The following TCEAL4 variants were observed in gnomAD, a reference collection of about 807,000 sequenced individuals.
TCEAL4 encodes transcription elongation factor A like 4.
TCEAL4 carries 1 observed loss-of-function variant against 1.3 expected under a neutral mutation model. That is an observed-to-expected ratio of 0.79 (90% confidence interval 0.28 to 3.76). The LOEUF (loss-of-function observed/expected upper bound fraction) is 3.76. Ranked by LOEUF, TCEAL4 falls within the 30% of genes most tolerant of loss-of-function variation. TCEAL4 has a pLI of 0.18. For missense variants in TCEAL4, 129 were observed against 154.7 expected, an observed-to-expected ratio of 0.83 and a Z score of 0.88; for synonymous variants, 54 against 50.7, an observed-to-expected ratio of 1.06 and a Z score of -0.28.
At chrX:103,585,688 G>T (rs564312706) in intron 1 of TCEAL4, 64 bp downstream of exon 1, 1 of 1,165,234 alleles carries the variant, frequency 8.6e-7, no homozygotes, top group Non-Finnish European at 1.1e-6. Context: ...GAACGGGTAC[G>T]GCAGGGGGAA....
At chrX:103,578,061 T>C (rs1193311137) in intron 2 of TCEAL4, among the ~76,000 whole-genome samples, 2 of 112,098 alleles carry the variant, frequency 1.8e-5, no homozygotes, top group African/African-American at 3.2e-5. Context: ...GATATACCAA[T>C]TCTAAATGTT....
rs1166642560 is a variant in TCEAL4, at chrX:103,587,594, AG to A, written c.*272del. The A allele has an allele frequency of 2.3e-5, 6 of 264,603 alleles. No individual in the cohort carries two copies. The highest frequency in any genetic ancestry group is 4.2e-5 in the Non-Finnish European group (6 of 144,508). The allele number at this position is 264,603 out of a possible 1,213,427, so 21.8% of individuals were successfully genotyped here. A position where few individuals can be genotyped will look rare whatever the true frequency, so the allele number is the denominator to read the frequency against. The stretch of plus-strand genomic sequence containing the variant: ...ATATAGTATAGAAAACAATTCTGAA[AG>A]CTGTGTCCACTAAAAGATTAACAGT... On this transcript the variant is annotated 3_prime_UTR_variant, in exon 3 of 3. Transcript: ENST00000472484.
upstream of TCEAL4, among the ~76,000 whole-genome samples, chrX:103,580,554 T>A (rs1204632421): frequency 1.8e-5 from 2 of 110,998 alleles, no homozygotes; most frequent in African/African-American, 6.6e-5. Context: ...CCGAGAGCAA[T>A]CAATCAATTC....
intron 2 of TCEAL4, 101 bp downstream of exon 2, chrX:103,586,392 C>A: frequency 1.0e-6 from 1 of 981,923 alleles, no homozygotes; most frequent in Non-Finnish European, 1.4e-6. Context: ...TTCCCCCACC[C>A]ACATGAACAC....
chrX:103,578,500 AC>A (rs2073493932), intron 2 of TCEAL4, among the ~76,000 whole-genome samples: 1 of 111,474 alleles, frequency 9.0e-6, no homozygotes, highest in Admixed American at 9.5e-5. Context: ...TTTTGCAAAC[AC>A]CTGTCATTAT....
upstream of TCEAL4, among the ~76,000 whole-genome samples, chrX:103,584,733 G>C (rs1163257002): frequency 1.8e-5 from 2 of 112,381 alleles, no homozygotes; most frequent in Non-Finnish European, 3.8e-5. Flanking sequence ...ACAGGCAGGG[G>C]AGTGGGAAAG....
intron 1 of TCEAL4, 108 bp downstream of exon 1, chrX:103,585,732 A>C: frequency 8.6e-7 from 1 of 1,158,962 alleles, no homozygotes. Flanking sequence ...AGTCGAGGGA[A>C]GCTGGCCCGA....
At chrX:103,582,515 G>A (rs757987927), upstream of TCEAL4, among the ~76,000 whole-genome samples, 2 of 111,870 alleles carry the variant, frequency 1.8e-5, no homozygotes, top group South Asian at 3.8e-4. Flanking sequence ...TATACTACAA[G>A]GCTACAGTAA....
Position 103,586,235 on chromosome X carries a change from T to A in TCEAL4, c.-84T>A, listed in dbSNP as rs1389333558. The A allele has an allele frequency of 1.4e-5, 16 of 1,166,271 alleles. No individual in the cohort carries two copies. Among genetic ancestry groups the A allele is most frequent in the Non-Finnish European group, 1.7e-5 (15 of 872,894 alleles). ...TGTCTGCAGGTCTGCGCGTCTGTTG[T>A]TCCCAGCGCTCTGCGAAGCCTGAAA... On this transcript the variant is annotated 5_prime_UTR_variant, in exon 2 of 3. Transcript: ENST00000472484.
intron 1 of TCEAL4, among the ~76,000 whole-genome samples, chrX:103,576,771 A>C (rs1192431554): frequency 1.8e-5 from 2 of 112,007 alleles, no homozygotes; most frequent in African/African-American, 6.5e-5. Flanking sequence ...CAATCAATCA[A>C]TCAGTCAATA....
chrX:103,586,742 C>G lies in TCEAL4; in HGVS notation c.67C>G (p.Gln23Glu). 8.3e-7 allele frequency: 1 copy of G among 1,211,644 alleles called. No homozygotes were observed. Among genetic ancestry groups the G allele is most frequent in the Non-Finnish European group, 1.1e-6 (1 of 895,422 alleles). The change falls in exon 3 of 3, where the codon CAG becomes GAG. Residue 23 changes from glutamine to glutamate, a missense_variant. Physicochemically the swap from Gln to Glu is conservative, Grantham distance 29 (BLOSUM62 2). This residue lies in a region of TCEAL4 where 116 missense variants were observed against 120.3 expected (regional missense o/e 0.96). Transcript: ENST00000472484. ...CCAAGGAAAGATGGAAAATGAAGAA[C>G]AGCCACAAGACGAGAGAAAGCCAGA... Reference protein sequence around the residue: ...SNQGKMENEEQPQDERKPEVT... With the variant: ...SNQGKMENEEEPQDERKPEVT...
Position 103,586,293 on chromosome X carries a change from T to A in TCEAL4, c.-28+2T>A. The A allele has an allele frequency of 8.6e-7, 1 of 1,166,280 alleles. No homozygotes were observed. Among genetic ancestry groups the A allele is most frequent in the South Asian group, 1.9e-5 (1 of 52,729 alleles). On this transcript the variant is annotated splice_donor_variant, in intron 2 of 2. Coordinates refer to ENST00000472484, the MANE Select transcript of TCEAL4 (RefSeq NM_001006935.3). LOFTEE classifies it low-confidence loss of function (5UTR_SPLICE). The stretch of plus-strand genomic sequence containing the variant: ...GCAACCTGTCCAGAATCCCCGCAGG[T>A]CCGTGAAAGTACGGGGCTGCATGGA...
At chrX:103,583,713 G>T (rs1420450030), upstream of TCEAL4, among the ~76,000 whole-genome samples, 2 of 111,496 alleles carry the variant, frequency 1.8e-5, no homozygotes, top group Non-Finnish European at 3.8e-5. Context: ...TGGGGGCAGG[G>T]AGGGAGAGCA....
At position 103,586,823 on chromosome X, in the gene TCEAL4, A is replaced by C; in HGVS notation, c.148A>C (p.Lys50Gln). 3.3e-6 allele frequency: 4 copies of C among 1,207,847 alleles called. No individual in the cohort carries two copies. The highest frequency in any genetic ancestry group is 4.5e-6 in the Non-Finnish European group (4 of 893,306). Residue 50 changes from lysine to glutamine, a missense_variant, in exon 3 of 3, where the codon AAG (lysine) becomes CAG (glutamine). Lys to Gln is a moderately conservative substitution (Grantham distance 53). Around this residue, in one of 2 missense-constraint regions of TCEAL4, gnomAD observed 116 missense variants for 120.3 expected, o/e 0.96. Coordinates refer to ENST00000472484, the MANE Select transcript of TCEAL4 (RefSeq NM_001006935.3). ...AGAAAACGAGGGAAAGACAGAAAAC[A>C]AGGGCAAAACAGGAGATGAGGAAAT... is the stretch of plus-strand genomic sequence containing the variant. Reference protein sequence around the residue: ...KLENEGKTENKGKTGDEEMLK... With the variant: ...KLENEGKTENQGKTGDEEMLK...
chrX:103,581,563 C>A (rs1329080292), upstream of TCEAL4, among the ~76,000 whole-genome samples: 1 of 111,084 alleles, frequency 9.0e-6, no homozygotes, highest in Non-Finnish European at 1.9e-5. Context: ...TTGGCTTCAT[C>A]CCCGAGATGC....
chrX:103,584,742 A>G (rs1472088454), upstream of TCEAL4, among the ~76,000 whole-genome samples: 1 of 112,398 alleles, frequency 8.9e-6, no homozygotes, highest in East Asian at 2.8e-4. Context: ...GGAGTGGGAA[A>G]GCTTTATAGT....
At chrX:103,577,201 A>G (rs1449613542) in exon 2 of TCEAL4, 1 of 1,165,493 alleles carries the variant, frequency 8.6e-7, no homozygotes, top group Non-Finnish European at 1.1e-6. Context: ...CGGAAATTAA[A>G]TCTCTTCCCC....
At chrX:103,586,560 A>G (rs1181899901) in intron 2 of TCEAL4, 89 bp from the exon 3 acceptor site, 1 of 1,074,189 alleles carries the variant, frequency 9.3e-7, no homozygotes, top group Non-Finnish European at 1.2e-6. Flanking sequence ...GGTGAGATGC[A>G]AGTACTATCC....
chrX:103,586,147 A>G (rs1289118662), intron 1 of TCEAL4, 72 bp from the exon 2 acceptor site: 13 of 1,155,371 alleles, frequency 1.1e-5, no homozygotes, highest in South Asian at 1.9e-5. Context: ...GCCTGGACTC[A>G]GGAAAGGGAA....
Sources: gnomAD v4.1 joint callset for allele counts (sites outside exome capture counted in the v4.1 genomes callset) on GRCh38, gnomAD v4.1.1 for gene constraint, gnomAD v4.1.1 regional missense constraint, MANE v1.5 for transcripts, NCBI Gene and HGNC (gene_info 2026-07-23, HGNC 2026-07-21) for gene names.